RIMBP2: variants seen among roughly 807,000 people sequenced by gnomAD.
RIMBP2 encodes RIMS-binding protein 2.
RIMBP2 carries 48 observed loss-of-function variants against 118.6 expected under a neutral mutation model. The ratio of observed to expected loss-of-function variants is 0.40; its 90% CI spans 0.32 to 0.51. The LOEUF (loss-of-function observed/expected upper bound fraction) is 0.51. Ranked by LOEUF, RIMBP2 falls within the 20% of genes least tolerant of loss-of-function variation. The probability of loss-of-function intolerance (pLI) is 0.41; values close to 1 mark genes in which losing one functional copy is unlikely to be tolerated. For missense variants in RIMBP2, 1,551 were observed against 1,768.3 expected (o/e 0.88, Z 2.20); for synonymous variants, 762 against 742.9 (o/e 1.03, Z -0.42).
Position 130,688,224 on chromosome 12 carries a change from C to T in RIMBP2, c.-352+27998G>A, listed in dbSNP as rs2136629263. Among the ~76,000 whole-genome samples the T allele has an allele frequency of 6.6e-6, 1 of 152,260 alleles. No homozygotes were observed. On this transcript the variant is annotated intron_variant, in intron 1 of 22. Transcript: ENST00000690449. This position sits in a 1 kb window ranked among gnomAD's most constrained non-coding sequence, Gnocchi z 4.7. Reference sequence around the variant, plus strand: ...AGTTGCGTGGTGGCTTCTCAGCGGCCTTGGTGGCATGGGCAACACGTGCCC... The same window carrying T: ...AGTTGCGTGGTGGCTTCTCAGCGGCTTTGGTGGCATGGGCAACACGTGCCC...
intron 1 of RIMBP2, among the ~76,000 whole-genome samples, chr12:130,684,141 A>C (rs116399853): frequency 0.017 from 2,516 of 152,248 alleles, 65 homozygotes; most frequent in African/African-American, 0.058. Context: ...CTGAACCCAG[A>C]CACCCCTTTC....
chr12:130,652,424 C>T (rs35085634), intron 1 of RIMBP2, among the ~76,000 whole-genome samples: 9,864 of 152,286 alleles, frequency 0.065, 416 homozygotes, highest in Non-Finnish European at 0.09. Flanking sequence ...GATCCTTGTC[C>T]TTAACTTCTA....
chr12:130,714,867 G>T (rs1317527678), intron 1 of RIMBP2, among the ~76,000 whole-genome samples: 1 of 152,188 alleles, frequency 6.6e-6, no homozygotes, highest in Admixed American at 6.5e-5. Flanking sequence ...CTGATTCCCG[G>T]ACAGCCCAGC....
intron 3 of RIMBP2, among the ~76,000 whole-genome samples, chr12:130,512,802 G>A (rs944636331): frequency 1.3e-5 from 2 of 152,194 alleles, no homozygotes; most frequent in Non-Finnish European, 1.5e-5. Flanking sequence ...GAGCCCAGAC[G>A]ATTCTTCCTT....
intron 1 of RIMBP2, among the ~76,000 whole-genome samples, chr12:130,659,867 G>A (rs2063579004): frequency 6.6e-6 from 1 of 151,676 alleles, no homozygotes; most frequent in African/African-American, 2.4e-5. Flanking sequence ...CCAGCTACTT[G>A]GGAGGCCAAG....
chr12:130,544,659 G>A (rs1038406933), intron 2 of RIMBP2, among the ~76,000 whole-genome samples: 2 of 146,864 alleles, frequency 1.4e-5, no homozygotes, highest in African/African-American at 2.5e-5. Flanking sequence ...GAGTGCAGTG[G>A]CGTGATTTCA....
chr12:130,430,948 G>C (rs112691219), intron 14 of RIMBP2, among the ~76,000 whole-genome samples: 6 of 152,010 alleles, frequency 3.9e-5, no homozygotes, highest in Non-Finnish European at 8.8e-5. Flanking sequence ...CAGTCTTTAC[G>C]TAATGTGTAC....
chr12:130,564,012 CTA>C, intron 2 of RIMBP2, among the ~76,000 whole-genome samples: 1 of 150,704 alleles, frequency 6.6e-6, no homozygotes, highest in African/African-American at 2.4e-5. Context: ...CCTGCTGTTC[CTA>C]TACAAGTCAG....
At chr12:130,644,536 C>T (rs1301018356) in intron 1 of RIMBP2, among the ~76,000 whole-genome samples, 1 of 152,150 alleles carries the variant, frequency 6.6e-6, no homozygotes, top group Non-Finnish European at 1.5e-5. Flanking sequence ...ATCCTTACTT[C>T]GAGGAGCCGT....
intron 1 of RIMBP2, among the ~76,000 whole-genome samples, chr12:130,642,380 G>C (rs767143437): frequency 2.6e-5 from 4 of 152,168 alleles, no homozygotes; most frequent in Non-Finnish European, 4.4e-5. Flanking sequence ...CACCTCCCGG[G>C]TTCAAGGAAT....
chr12:130,674,253 G>A (rs7959335), intron 1 of RIMBP2, among the ~76,000 whole-genome samples: 52,146 of 151,896 alleles, frequency 0.34, 9,088 homozygotes, highest in East Asian at 0.41. Context: ...CGTCCCCTTC[G>A]CCTTCCGCCA....
At chr12:130,700,935 C>T (rs907518213) in intron 1 of RIMBP2, among the ~76,000 whole-genome samples, 2 of 152,194 alleles carry the variant, frequency 1.3e-5, no homozygotes, top group African/African-American at 4.8e-5. Flanking sequence ...TTGTAAGCAC[C>T]ACTGTGTACA....
intron 4 of RIMBP2, among the ~76,000 whole-genome samples, chr12:130,490,123 C>CA (rs35698241): frequency 0.32 from 30,711 of 94,654 alleles, 4,162 homozygotes; most frequent in Admixed American, 0.37. Flanking sequence ...GACTCTGTCT[C>CA]AAAAAAAAAA....
At chr12:130,438,295 C>CAAATACCGG in intron 12 of RIMBP2, 70 bp downstream of exon 12, 5 of 1,563,552 alleles carry the variant, frequency 3.2e-6, no homozygotes, top group Non-Finnish European at 4.4e-6. Context: ...CTCCACTGAG[C>CAAATACCGG]AAATACCGGG....
chr12:130,441,736 G>T, intron 11 of RIMBP2, 112 bp downstream of exon 11: 2 of 927,442 alleles, frequency 2.2e-6, no homozygotes, highest in Non-Finnish European at 1.6e-6. Context: ...CCAGGGTCAT[G>T]TTGTCAGGAT....
intron 1 of RIMBP2, among the ~76,000 whole-genome samples, chr12:130,662,062 C>A (rs1455980000): frequency 6.6e-6 from 1 of 152,158 alleles, no homozygotes; most frequent in Non-Finnish European, 1.5e-5. Flanking sequence ...TGCAGCTGGC[C>A]CCACGCCCCA....
At position 130,621,925 on chromosome 12, in the gene RIMBP2, G is replaced by A. The variant is rs532649135; in HGVS notation, c.-217+6397C>T. Among the ~76,000 whole-genome samples, 5 of 152,260 alleles carry A rather than the reference G, an allele frequency of 3.3e-5. No individual in the cohort carries two copies. Among genetic ancestry groups the A allele is most frequent in the Middle Eastern group, 3.4e-3 (1 of 294 alleles). Reference sequence around the variant, plus strand: ...AGGCCCAGGACAGCACTAATGACTCGTTTGACTGTAACTGGCACTGAGACT... The same window carrying A: ...AGGCCCAGGACAGCACTAATGACTCATTTGACTGTAACTGGCACTGAGACT... On this transcript the variant is annotated intron_variant, in intron 2 of 22. Transcript: ENST00000690449. This position sits in a 1 kb window ranked among gnomAD's most constrained non-coding sequence, Gnocchi z 6.6.
At position 130,644,092 on chromosome 12, in the gene RIMBP2, G is replaced by A. The variant is rs150715400; in HGVS notation, c.-351-15636C>T. Among the ~76,000 whole-genome samples, 853 of 152,310 alleles carry A rather than the reference G, an allele frequency of 5.6e-3. 6 individuals carry two copies. Among genetic ancestry groups the A allele is most frequent in the African/African-American group, 0.019 (799 of 41,562 alleles). ...CAAAACAGTGCTCACCAACAGTCCT[G>A]ATGGACATGAAGGATTCCGCTCTCA... On this transcript the variant is annotated intron_variant, in intron 1 of 22. Transcript: ENST00000690449.
intron 21 of RIMBP2, among the ~76,000 whole-genome samples, chr12:130,401,856 T>A (rs1468176805): frequency 6.6e-6 from 1 of 152,052 alleles, no homozygotes; most frequent in East Asian, 1.9e-4. Context: ...GTAGTTGGCT[T>A]ATATTTGGGG....
Sources: gnomAD v4.1 joint callset for allele counts (sites outside exome capture counted in the v4.1 genomes callset) on GRCh38, gnomAD v4.1.1 for gene constraint, Gnocchi (gnomAD v3.1) non-coding constraint, MANE v1.5 for transcripts, NCBI Gene and HGNC (gene_info 2026-07-23, HGNC 2026-07-21) for gene names.